The following CSRNP3 variants were observed in gnomAD, a reference collection of about 807,000 sequenced individuals.
CSRNP3 encodes the protein cysteine/serine-rich nuclear protein 3.
Under a neutral mutation model 48.0 loss-of-function variants are expected in CSRNP3, and 12 were observed. The observed-to-expected ratio is 0.25, with a 90% CI of 0.16 to 0.41. The LOEUF (loss-of-function observed/expected upper bound fraction) is 0.41. Among genes scored for constraint, CSRNP3 ranks in the 10% least tolerant of loss-of-function variants. CSRNP3 has a pLI of 1.00. For missense variants in CSRNP3, 580 were observed against 724.4 expected (o/e 0.80, Z 2.29); for synonymous variants, 263 against 269.7 (o/e 0.98, Z 0.24).
chr2:165,547,485 A>G (rs1237380381), intron 3 of CSRNP3, among the ~76,000 whole-genome samples: 1 of 152,088 alleles, frequency 6.6e-6, no homozygotes, highest in Admixed American at 6.6e-5. Flanking sequence ...GTGTTTGTTT[A>G]ATTGATATCT....
intron 2 of CSRNP3, among the ~76,000 whole-genome samples, chr2:165,510,971 A>T (rs1475563583): frequency 6.6e-6 from 1 of 152,212 alleles, no homozygotes; most frequent in African/African-American, 2.4e-5. Context: ...GAATGGAAGA[A>T]ATCAGGCAAA....
intron 1 of CSRNP3, among the ~76,000 whole-genome samples, chr2:165,477,495 TATAATACAA>T (rs1683978985): frequency 7.9e-6 from 1 of 127,160 alleles, no homozygotes; most frequent in South Asian, 2.4e-4. Flanking sequence ...TATATATATA[TATAATACAA>T]ATATATATAT....
intron 4 of CSRNP3, among the ~76,000 whole-genome samples, chr2:165,605,344 C>T (rs1391566268): frequency 2.0e-5 from 3 of 152,044 alleles, no homozygotes; most frequent in East Asian, 1.9e-4. Context: ...ATGACTGACT[C>T]CTCATATTTC....
chr2:165,575,711 A>T (rs969313110), intron 3 of CSRNP3, among the ~76,000 whole-genome samples: 4 of 152,000 alleles, frequency 2.6e-5, no homozygotes, highest in Admixed American at 2.6e-4. Flanking sequence ...CAACAGGAGG[A>T]TAGCTATTTA....
In CSRNP3 at chr2:165,515,951, G is replaced by A. The variant is rs11896998; in HGVS notation, c.-112-1922G>A. Among the ~76,000 whole-genome samples, 1,237 of 151,750 alleles carry A rather than the reference G, an allele frequency of 8.2e-3. 17 individuals are homozygous for A. Among genetic ancestry groups the A allele is most frequent in the African/African-American group, 0.029 (1,182 of 41,354 alleles). On this transcript the variant is annotated intron_variant, in intron 2 of 6. Coordinates refer to ENST00000651982, the MANE Select transcript of CSRNP3 (RefSeq NM_001172173.2). Reference sequence around the variant, plus strand: ...CACCCAAGTAGCTGGAATTACAGGCGTGCACCACCATGCCCAGCTAATTTT... The same window carrying A: ...CACCCAAGTAGCTGGAATTACAGGCATGCACCACCATGCCCAGCTAATTTT...
chr2:165,637,112 TCA>T (rs1193292255), intron 4 of CSRNP3, among the ~76,000 whole-genome samples: 3 of 152,168 alleles, frequency 2.0e-5, no homozygotes, highest in African/African-American at 7.2e-5. Flanking sequence ...AACAGGTGAG[TCA>T]CAGAAATATG....
rs73029872 is a variant in CSRNP3, at chr2:165,614,047, T to C, written c.148+18834T>C. ...ATCTGTGAGCATGGATGTCTTACTA[T>C]TTTTTGTGTCCTCTTCAATGTCTTT... On this transcript the variant is annotated intron_variant, in intron 4 of 6. Transcript: ENST00000651982. Among the ~76,000 whole-genome samples the C allele has an allele frequency of 3.5e-3, 539 of 152,220 alleles. 3 individuals carry two copies. Among genetic ancestry groups the C allele is most frequent in the African/African-American group, 0.012 (496 of 41,550 alleles).
intron 4 of CSRNP3, among the ~76,000 whole-genome samples, chr2:165,620,936 T>C (rs569800138): frequency 2.0e-5 from 3 of 152,234 alleles, no homozygotes; most frequent in African/African-American, 7.2e-5. Context: ...TATCATTGTG[T>C]TTTATCCTTT....
chr2:165,612,549 A>G (rs930006383), intron 4 of CSRNP3, among the ~76,000 whole-genome samples: 2 of 151,998 alleles, frequency 1.3e-5, no homozygotes, highest in African/African-American at 4.8e-5. Flanking sequence ...CTTTTTATCT[A>G]TTCATCAACG....
rs753877013 is a variant in CSRNP3 at position 165,678,977 on chromosome 2, C to T, written c.982C>T (p.Leu328=). ...TGAAACTGAGCCCCAGGCTGCAGTG[C>T]TGCACCTGCAGTCGGCTGAAGAATT... ...EIETEPQAAV[L]HLQSAEELDC... Residue 328 remains leucine (L), a synonymous_variant, in exon 7 of 7, where the codon CTG becomes TTG. Transcript: ENST00000651982. 5.0e-6 allele frequency: 8 copies of T among 1,613,974 alleles called. No homozygotes were observed. Among genetic ancestry groups the T allele is most frequent in the Non-Finnish European group, 6.8e-6 (8 of 1,179,966 alleles).
At chr2:165,633,306 C>A (rs1686569431) in intron 4 of CSRNP3, among the ~76,000 whole-genome samples, 1 of 152,132 alleles carries the variant, frequency 6.6e-6, no homozygotes, top group Non-Finnish European at 1.5e-5. Context: ...CACTAAAGTC[C>A]TAGAGTAAGC....
At chr2:165,516,094 C>G (rs1684579340) in intron 2 of CSRNP3, among the ~76,000 whole-genome samples, 1 of 152,154 alleles carries the variant, frequency 6.6e-6, no homozygotes, top group Non-Finnish European at 1.5e-5. Flanking sequence ...GCATGAGCCA[C>G]TGTGCCCGGC....
chr2:165,522,876 G>A (rs984825350), intron 3 of CSRNP3, among the ~76,000 whole-genome samples: 1 of 151,984 alleles, frequency 6.6e-6, no homozygotes, highest in African/African-American at 2.4e-5. Context: ...TCACATTCAT[G>A]AGTGCTACAG....
In CSRNP3 at chr2:165,685,460, T is replaced by C. The variant is rs1194259842; in HGVS notation, c.*5707T>C. ...GAGAGTGGTAATGCCAGTAGAATGATGGGAACCAGGAGAGTGAATACGACC... is the reference window on the plus strand; with the variant it reads ...GAGAGTGGTAATGCCAGTAGAATGACGGGAACCAGGAGAGTGAATACGACC... On this transcript the variant is annotated 3_prime_UTR_variant, in exon 7 of 7. Coordinates refer to ENST00000651982, the MANE Select transcript of CSRNP3 (RefSeq NM_001172173.2). The C allele has an allele frequency of 6.6e-6, 1 of 152,074 alleles. No homozygotes were observed. The highest frequency in any genetic ancestry group is 6.6e-5 in the Admixed American group (1 of 15,228). The allele number at this position is 152,074 out of a possible 1,614,324, so 9.4% of individuals were successfully genotyped here.
chr2:165,635,326 T>C (rs1686609485), intron 4 of CSRNP3, among the ~76,000 whole-genome samples: 1 of 152,196 alleles, frequency 6.6e-6, no homozygotes, highest in South Asian at 2.1e-4. Context: ...CAACACCACA[T>C]AGGACAATCT....
At chr2:165,494,540 C>G (rs1684261637) in intron 1 of CSRNP3, among the ~76,000 whole-genome samples, 1 of 151,978 alleles carries the variant, frequency 6.6e-6, no homozygotes, top group South Asian at 2.1e-4. Context: ...TTAATTTTTA[C>G]TTTTTCTTAT....
intron 4 of CSRNP3, among the ~76,000 whole-genome samples, chr2:165,627,153 C>A (rs978411654): frequency 6.6e-6 from 1 of 152,174 alleles, no homozygotes; most frequent in Admixed American, 6.5e-5. Flanking sequence ...ACTATGGAAA[C>A]CTTGTGGGGA....
chr2:165,470,345 C>T (rs1388518544), intron 1 of CSRNP3, among the ~76,000 whole-genome samples: 1 of 152,066 alleles, frequency 6.6e-6, no homozygotes, highest in African/African-American at 2.4e-5. Flanking sequence ...TTTTATTCAG[C>T]AAACTTTAAG....
intron 1 of CSRNP3, among the ~76,000 whole-genome samples, chr2:165,478,696 T>G (rs752245613): frequency 5.3e-5 from 8 of 152,212 alleles, no homozygotes; most frequent in Non-Finnish European, 1.2e-4. Context: ...TGCCAAGTTT[T>G]ATATAGAAGG....
Sources: allele counts gnomAD v4.1 joint callset (sites outside exome capture counted in the v4.1 genomes callset), GRCh38; gene constraint gnomAD v4.1.1; transcripts MANE v1.5; gene names NCBI Gene and HGNC (gene_info 2026-07-23, HGNC 2026-07-21).